Variants in LHFPL6 observed in about 807,000 individuals in gnomAD.
The protein encoded by LHFPL6 is LHFPL tetraspan subfamily member 6 protein.
Under a neutral mutation model 20.6 loss-of-function variants are expected in LHFPL6, and 9 were observed. The observed-to-expected ratio is 0.44, with a 90% confidence interval of 0.26 to 0.76. The LOEUF (loss-of-function observed/expected upper bound fraction) is 0.76, where lower values mean the gene tolerates loss of function less well. LHFPL6 is among the 30% of genes least tolerant of loss of function. LHFPL6 has a pLI of 0.20. For synonymous variants in LHFPL6, 105 were observed against 98.7 expected (o/e 1.06, Z -0.38); for missense variants, 218 against 253.5 (o/e 0.86, Z 0.95).
At chr13:39,578,122 G>A (rs1428104221) in intron 2 of LHFPL6, among the ~76,000 whole-genome samples, 1 of 152,034 alleles carries the variant, frequency 6.6e-6, no homozygotes, top group Non-Finnish European at 1.5e-5. Flanking sequence ...AATACACACG[G>A]GCAGCATGTC....
chr13:39,440,371 G>A (rs1872083766), intron 2 of LHFPL6, among the ~76,000 whole-genome samples: 1 of 152,156 alleles, frequency 6.6e-6, no homozygotes, highest in African/African-American at 2.4e-5. Flanking sequence ...GCTTATGCCA[G>A]TAATTTAAGC....
chr13:39,408,165 TA>T (rs1381251469), intron 2 of LHFPL6, among the ~76,000 whole-genome samples: 5 of 152,232 alleles, frequency 3.3e-5, no homozygotes, highest in Non-Finnish European at 5.9e-5. Flanking sequence ...AACTATTGAA[TA>T]AGTTACTCAA....
At chr13:39,348,316 T>C (rs1158251374) in intron 3 of LHFPL6, among the ~76,000 whole-genome samples, 4 of 152,290 alleles carry the variant, frequency 2.6e-5, no homozygotes, top group East Asian at 1.9e-4. Flanking sequence ...AGAGGACCCA[T>C]GAGTGACTGG....
Position 39,601,364 on chromosome 13 carries a change from C to A in LHFPL6, c.-148G>T. On this transcript the variant is annotated 5_prime_UTR_variant, in exon 2 of 4. The change abolishes an upstream ATG in the 5' untranslated region. Transcript: ENST00000379589. ...TCAGTCTTACTGGGCATCAACTTTCCATCCTCTGCACTAAAGATGATGGTC... is the reference window on the plus strand; with the variant it reads ...TCAGTCTTACTGGGCATCAACTTTCAATCCTCTGCACTAAAGATGATGGTC... 5 of 693,798 alleles carry A rather than the reference C, an allele frequency of 7.2e-6. No individual in the cohort carries two copies. The highest frequency in any genetic ancestry group is 1.1e-5 in the Non-Finnish European group (5 of 441,908). The allele number at this position is 693,798 out of a possible 1,614,324, so 43.0% of individuals were successfully genotyped here.
intron 2 of LHFPL6, among the ~76,000 whole-genome samples, chr13:39,465,123 T>A (rs1481481287): frequency 2.0e-5 from 3 of 152,222 alleles, no homozygotes; most frequent in Non-Finnish European, 4.4e-5. Flanking sequence ...GAAGATTTGA[T>A]CACCTGAGAG....
At chr13:39,365,630 A>G (rs1342129714) in intron 3 of LHFPL6, among the ~76,000 whole-genome samples, 2 of 152,322 alleles carry the variant, frequency 1.3e-5, no homozygotes, top group South Asian at 4.1e-4. Flanking sequence ...CCTCCTACAC[A>G]TACAGACACT....
chr13:39,411,055 T>C (rs1416587586), intron 2 of LHFPL6, among the ~76,000 whole-genome samples: 1 of 152,244 alleles, frequency 6.6e-6, no homozygotes, highest in Non-Finnish European at 1.5e-5. Flanking sequence ...ATTTACCTTT[T>C]ATAATATTTT....
chr13:39,557,096 G>A (rs1414873720), intron 2 of LHFPL6, among the ~76,000 whole-genome samples: 1 of 152,150 alleles, frequency 6.6e-6, no homozygotes. Context: ...TGACTAAAAG[G>A]GTGCCAAGTG....
chr13:39,537,614 T>C (rs530313123), intron 2 of LHFPL6, among the ~76,000 whole-genome samples: 1 of 152,332 alleles, frequency 6.6e-6, no homozygotes, highest in Non-Finnish European at 1.5e-5. Flanking sequence ...TCCTTCAGAT[T>C]TCTTTCATGT....
At chr13:39,437,912 A>AG (rs1872008805) in intron 2 of LHFPL6, among the ~76,000 whole-genome samples, 1 of 151,862 alleles carries the variant, frequency 6.6e-6, no homozygotes, top group East Asian at 1.9e-4. Flanking sequence ...AAAAAAAAAA[A>AG]AAAGGATTAA....
At chr13:39,346,121 T>C (rs1869393588) in intron 3 of LHFPL6, among the ~76,000 whole-genome samples, 1 of 152,332 alleles carries the variant, frequency 6.6e-6, no homozygotes, top group Non-Finnish European at 1.5e-5. Context: ...GGATCTTCAC[T>C]GGACGTTTAC....
intron 2 of LHFPL6, among the ~76,000 whole-genome samples, chr13:39,459,083 C>T (rs1872633139): frequency 6.6e-6 from 1 of 151,936 alleles, no homozygotes; most frequent in Non-Finnish European, 1.5e-5. Flanking sequence ...TTCAAAATGC[C>T]CATGAAATGA....
At chr13:39,434,916 C>T (rs947724568) in intron 2 of LHFPL6, among the ~76,000 whole-genome samples, 17 of 151,316 alleles carry the variant, frequency 1.1e-4, no homozygotes, top group Non-Finnish European at 2.4e-4. Context: ...ATTAGCCGGG[C>T]GCGGTGGCGG....
chr13:39,361,444 A>G (rs958874787), intron 3 of LHFPL6, among the ~76,000 whole-genome samples: 20 of 152,074 alleles, frequency 1.3e-4, no homozygotes, highest in African/African-American at 4.8e-4. Context: ...CAGTGTCCCA[A>G]GTAGCTGGGA....
At chr13:39,525,799 C>T (rs545855320) in intron 2 of LHFPL6, among the ~76,000 whole-genome samples, 2 of 152,138 alleles carry the variant, frequency 1.3e-5, no homozygotes, top group Non-Finnish European at 2.9e-5. Flanking sequence ...ATGCAAAAGG[C>T]ATTTATTATC....
intron 2 of LHFPL6, among the ~76,000 whole-genome samples, chr13:39,479,999 T>C (rs1401867943): frequency 4.6e-5 from 7 of 152,186 alleles, no homozygotes; most frequent in Non-Finnish European, 8.8e-5. Context: ...CATTATAAAA[T>C]TGGCATTTTT....
chr13:39,397,809 AG>A (rs950470744), intron 2 of LHFPL6, among the ~76,000 whole-genome samples: 8 of 152,104 alleles, frequency 5.3e-5, no homozygotes, highest in African/African-American at 1.7e-4. Flanking sequence ...TTTGTTGGAA[AG>A]GGGGGGTTAC....
intron 2 of LHFPL6, among the ~76,000 whole-genome samples, chr13:39,454,967 T>C (rs1406170394): frequency 6.6e-6 from 1 of 152,214 alleles, no homozygotes; most frequent in African/African-American, 2.4e-5. Context: ...TTTACTTTTA[T>C]TATTTCCACT....
intron 3 of LHFPL6, among the ~76,000 whole-genome samples, chr13:39,359,985 C>T (rs1010703881): frequency 1.3e-5 from 2 of 152,080 alleles, no homozygotes; most frequent in African/African-American, 4.8e-5. Context: ...GTATTGGAGC[C>T]ACTTCAACAG....
Sources: gnomAD v4.1 joint callset for allele counts (sites outside exome capture counted in the v4.1 genomes callset) on GRCh38, gnomAD v4.1.1 for gene constraint, MANE v1.5 for transcripts, NCBI Gene and HGNC (gene_info 2026-07-23, HGNC 2026-07-21) for gene names.